Variants in ZFP3 observed in about 807,000 individuals in gnomAD.
The protein encoded by ZFP3 is zinc finger protein 3 homolog.
ZFP3 carries 18 observed loss-of-function variants against 36.7 expected under a neutral mutation model. That is an observed-to-expected ratio of 0.49 (90% CI 0.34 to 0.73). The LOEUF (loss-of-function observed/expected upper bound fraction) is 0.73. Ranked by LOEUF, ZFP3 falls within the 30% of genes least tolerant of loss-of-function variation. The pLI, the probability that ZFP3 is intolerant of heterozygous loss-of-function variation, is 0.01. For synonymous variants in ZFP3, 218 were observed against 199.0 expected (o/e 1.10, Z -0.81); for missense variants, 495 against 599.0 (o/e 0.83, Z 1.81).
chr17:5,084,721 A>C (rs1597904195), intron 1 of ZFP3, among the ~76,000 whole-genome samples: 1 of 152,112 alleles, frequency 6.6e-6, no homozygotes, highest in Non-Finnish European at 1.5e-5. Context: ...GTCAACCTCT[A>C]CTCTTCCAGT....
rs2072173140 is a variant in ZFP3 at position 5,095,030 on chromosome 17, AG to A, written c.*2019del. ...GCTCTTAACCACTGTGCTATGCCGCAGGTAGGCAGATTCATTACTGCCTTAT... is the reference window on the plus strand; with the variant it reads ...GCTCTTAACCACTGTGCTATGCCGCAGTAGGCAGATTCATTACTGCCTTAT... On this transcript the variant is annotated 3_prime_UTR_variant, in exon 2 of 2. Coordinates refer to ENST00000318833, the MANE Select transcript of ZFP3 (RefSeq NM_153018.3). 6.0e-6 allele frequency: 1 copy of A among 167,136 alleles called. No individual in the cohort carries two copies. Among genetic ancestry groups the A allele is most frequent in the African/African-American group, 2.4e-5 (1 of 41,464 alleles). The allele number at this position is 167,136 out of a possible 1,614,324, so 10.4% of individuals were successfully genotyped here.
intron 1 of ZFP3, among the ~76,000 whole-genome samples, chr17:5,086,870 G>A (rs1407285799): frequency 2.0e-5 from 3 of 151,482 alleles, no homozygotes; most frequent in African/African-American, 7.3e-5. Flanking sequence ...TGGGACTACA[G>A]GCGCCCGCCA....
rs747346800 is a variant in ZFP3 at position 5,092,458 on chromosome 17, C to G, written c.954C>G (p.Phe318Leu). 1 of 1,613,948 alleles carries G rather than the reference C, an allele frequency of 6.2e-7. No homozygotes were observed. Residue 318 changes from phenylalanine to leucine, a missense_variant, in exon 2 of 2, where the codon TTC (phenylalanine) becomes TTG (leucine). Transcript: ENST00000318833. The surrounding 1 kb of genome is among the most constrained non-coding windows in gnomAD (Gnocchi z 5.0). ...TGTGTAATGAATGTGGGAAGGGCTTCGGGCAGAGTTCTGAGCTTATCCGGC... is the reference window on the plus strand; with the variant it reads ...TGTGTAATGAATGTGGGAAGGGCTTGGGGCAGAGTTCTGAGCTTATCCGGC... The part of the protein sequence containing the change: ...PYLCNECGKG[F>L]GQSSELIRHQ...
rs976134772 is a variant in ZFP3 at position 5,095,351 on chromosome 17, A to G, written c.*2338A>G. 3 of 167,108 alleles carry G rather than the reference A, an allele frequency of 1.8e-5. No individual in the cohort carries two copies. The Admixed American group carries it at 2.0e-4, about 11-fold the overall frequency. The allele number at this position is 167,108 out of a possible 1,614,324, so 10.4% of individuals were successfully genotyped here. On this transcript the variant is annotated 3_prime_UTR_variant, in exon 2 of 2. Transcript: ENST00000318833. ...TACTTCTTCCCTTAGGTTGATTACAAGTGAAGTGCGCCGTCTTATTCCTTT... is the reference window on the plus strand; with the variant it reads ...TACTTCTTCCCTTAGGTTGATTACAGGTGAAGTGCGCCGTCTTATTCCTTT...
intron 1 of ZFP3, among the ~76,000 whole-genome samples, chr17:5,083,994 G>A (rs1425134600): frequency 6.6e-6 from 1 of 151,844 alleles, no homozygotes; most frequent in African/African-American, 2.4e-5. Flanking sequence ...AGCCTCCCGA[G>A]TAGCTGGGAT....
chr17:5,088,371 TTCC>T (rs2072131608), intron 1 of ZFP3, among the ~76,000 whole-genome samples: 1 of 152,148 alleles, frequency 6.6e-6, no homozygotes, highest in African/African-American at 2.4e-5. Context: ...AGCCTGTCTC[TTCC>T]TCCCCACTGC....
intron 1 of ZFP3, among the ~76,000 whole-genome samples, chr17:5,080,365 T>G (rs1567747591): frequency 6.6e-6 from 1 of 152,194 alleles, no homozygotes; most frequent in Non-Finnish European, 1.5e-5. Context: ...TTTATTTGAC[T>G]GGGTTAACTC....
chr17:5,086,942 A>C (rs1468524642), intron 1 of ZFP3, among the ~76,000 whole-genome samples: 1 of 151,404 alleles, frequency 6.6e-6, no homozygotes, highest in Non-Finnish European at 1.5e-5. Flanking sequence ...GTTAGCCAAG[A>C]TGGTCTCGAT....
At chr17:5,088,991 C>G (rs80316587) in intron 1 of ZFP3, among the ~76,000 whole-genome samples, 2 of 152,170 alleles carry the variant, frequency 1.3e-5, no homozygotes, top group East Asian at 1.9e-4. Context: ...ATAGACTGCC[C>G]TAAGCAAAGG....
rs762950038 is a variant in ZFP3 at position 5,092,203 on chromosome 17, C to G, written c.699C>G (p.Ala233=). 3 of 1,613,944 alleles carry G rather than the reference C, an allele frequency of 1.9e-6. No individual in the cohort carries two copies. The Admixed American group carries it at 5.0e-5, about 27-fold the overall frequency. ...RPYKCEECGK[A]FSQNSALILH... ...ATAAATGTGAAGAATGTGGTAAAGC[C>G]TTCAGTCAAAATTCAGCCCTTATTC... The change falls in exon 2 of 2, where the codon GCC becomes GCG. Residue 233 remains alanine, a synonymous_variant. Transcript: ENST00000318833. The surrounding 1 kb of genome is among the most constrained non-coding windows in gnomAD (Gnocchi z 5.0).
At chr17:5,082,370 A>T (rs1216724136) in intron 1 of ZFP3, among the ~76,000 whole-genome samples, 1 of 152,054 alleles carries the variant, frequency 6.6e-6, no homozygotes. Context: ...GTAAAATAAA[A>T]TAAATAAAGA....
Position 5,093,420 on chromosome 17 carries a change from T to G in ZFP3, c.*407T>G. 5.6e-6 allele frequency: 1 copy of G among 177,214 alleles called. No homozygotes were observed. The allele number at this position is 177,214 out of a possible 1,614,324, so 11.0% of individuals were successfully genotyped here. A position where few individuals can be genotyped will look rare whatever the true frequency, so the allele number is the denominator to read the frequency against. On this transcript the variant is annotated 3_prime_UTR_variant, in exon 2 of 2. Coordinates refer to ENST00000318833, the MANE Select transcript of ZFP3 (RefSeq NM_153018.3). ...CAGGCCTTAATTTCCCCTCTGTCCTTCCTTCCCCTTCTCCTCCCCCAGTGG... is the reference window on the plus strand; with the variant it reads ...CAGGCCTTAATTTCCCCTCTGTCCTGCCTTCCCCTTCTCCTCCCCCAGTGG...
chr17:5,085,377 T>TC (rs1237996614), intron 1 of ZFP3, among the ~76,000 whole-genome samples: 1 of 151,554 alleles, frequency 6.6e-6, no homozygotes, highest in African/African-American at 2.4e-5. Flanking sequence ...GAGTTTTGTT[T>TC]TTTTTTTTTG....
chr17:5,087,480 C>T (rs2072127641), intron 1 of ZFP3, among the ~76,000 whole-genome samples: 1 of 152,184 alleles, frequency 6.6e-6, no homozygotes. Context: ...CTTCTTGGCT[C>T]ATTCTCTTCC....
chr17:5,088,748 A>G (rs1164251128), intron 1 of ZFP3, among the ~76,000 whole-genome samples: 1 of 152,194 alleles, frequency 6.6e-6, no homozygotes, highest in Non-Finnish European at 1.5e-5. Context: ...ACGCCCGGCC[A>G]GGCCCACTGC....
rs372023190 is a variant in ZFP3 at position 5,095,065 on chromosome 17, C to T, written c.*2052C>T. ...ATTCATTACTGCCTTATCTGAAACCCTTTGCACAGTTTCTATTACTGATTT... is the reference window on the plus strand; with the variant it reads ...ATTCATTACTGCCTTATCTGAAACCTTTTGCACAGTTTCTATTACTGATTT... On this transcript the variant is annotated 3_prime_UTR_variant, in exon 2 of 2. Coordinates refer to ENST00000318833, the MANE Select transcript of ZFP3 (RefSeq NM_153018.3). 1 of 167,180 alleles carries T rather than the reference C, an allele frequency of 6.0e-6. No individual in the cohort carries two copies. Among genetic ancestry groups the T allele is most frequent in the African/African-American group, 2.4e-5 (1 of 41,572 alleles). The allele number at this position is 167,180 out of a possible 1,614,324, so 10.4% of individuals were successfully genotyped here.
rs1220517644 is a variant in ZFP3 at position 5,095,918 on chromosome 17, T to G, written c.*2905T>G. On this transcript the variant is annotated 3_prime_UTR_variant, in exon 2 of 2. Transcript: ENST00000318833. ...CTTAAGGGGGAGGTCTCACGTCTCA[T>G]TCCCAGAAAAGTCTACCATATATAG... 1 of 166,638 alleles carries G rather than the reference T, an allele frequency of 6.0e-6. No individual in the cohort carries two copies. Among genetic ancestry groups the G allele is most frequent in the Non-Finnish European group, 1.5e-5 (1 of 68,100 alleles). The allele number at this position is 166,638 out of a possible 1,614,324, so 10.3% of individuals were successfully genotyped here. A position where few individuals can be genotyped will look rare whatever the true frequency, so the allele number is the denominator to read the frequency against.
intron 1 of ZFP3, among the ~76,000 whole-genome samples, chr17:5,082,289 G>A (rs2072097974): frequency 6.6e-6 from 1 of 151,956 alleles, no homozygotes; most frequent in Non-Finnish European, 1.5e-5. Flanking sequence ...AGAGGTTGCA[G>A]TGAGCCAAGA....
rs1416308363 is a variant in ZFP3 at position 5,091,422 on chromosome 17, GCTCTGTTGTC to G, written c.-8-70_-8-61del. 115 of 1,434,014 alleles carry G rather than the reference GCTCTGTTGTC, an allele frequency of 8.0e-5. No individual in the cohort carries two copies. In the Middle Eastern group the frequency reaches 1.7e-3, roughly 21 times the overall value. The allele number at this position is 1,434,014 out of a possible 1,614,324, so 88.8% of individuals were successfully genotyped here. Reference sequence around the variant, plus strand: ...TGAGTGCTATGAGAACTACATCAAAGCTCTGTTGTCCTCTAGTGTTAGCTTCATTTAAATA... The same window carrying G: ...TGAGTGCTATGAGAACTACATCAAAGCTCTAGTGTTAGCTTCATTTAAATA... On this transcript the variant is annotated intron_variant, in intron 1 of 1. Coordinates refer to ENST00000318833, the MANE Select transcript of ZFP3 (RefSeq NM_153018.3).
Sources: allele counts gnomAD v4.1 joint callset (sites outside exome capture counted in the v4.1 genomes callset), GRCh38; gene constraint gnomAD v4.1.1; non-coding constraint Gnocchi (gnomAD v3.1); transcripts MANE v1.5; gene names NCBI Gene and HGNC (gene_info 2026-07-23, HGNC 2026-07-21).